Variants in SNAPC1 observed in about 807,000 individuals in gnomAD.
SNAPC1 encodes the protein small nuclear RNA activating complex polypeptide 1, also known as snRNA-activating protein complex subunit 1.
SNAPC1 carries 42 observed loss-of-function variants against 50.1 expected under a neutral mutation model. The observed-to-expected ratio is 0.84, with a 90% confidence interval of 0.65 to 1.08. The LOEUF is 1.08. SNAPC1 is among the 50% of genes least tolerant of loss of function. The probability of loss-of-function intolerance (pLI) is 0.00; values close to 1 mark genes in which losing one functional copy is unlikely to be tolerated. For synonymous variants in SNAPC1, 164 were observed against 144.2 expected, an observed-to-expected ratio of 1.14 and a Z score of -0.98; for missense variants, 477 against 427.3, an observed-to-expected ratio of 1.12 and a Z score of -1.02.
intron 8 of SNAPC1, among the ~76,000 whole-genome samples, chr14:61,786,348 G>A (rs2045115846): frequency 6.6e-6 from 1 of 152,106 alleles, no homozygotes; most frequent in African/African-American, 2.4e-5. Context: ...ACACTGTTAA[G>A]AAGATGAGAA....
intron 4 of SNAPC1, among the ~76,000 whole-genome samples, chr14:61,773,723 G>C (rs2045012836): frequency 6.8e-6 from 1 of 146,316 alleles, no homozygotes; most frequent in Admixed American, 7.0e-5. Flanking sequence ...TTTTAAGGCA[G>C]AGTTTCCCTT....
intron 8 of SNAPC1, among the ~76,000 whole-genome samples, chr14:61,789,261 C>T (rs1410801554): frequency 1.3e-5 from 2 of 150,090 alleles, no homozygotes; most frequent in Non-Finnish European, 3.0e-5. Flanking sequence ...AGGGAAAGCT[C>T]TGTATTATGA....
At chr14:61,781,245 C>G (rs185104849) in intron 7 of SNAPC1, among the ~76,000 whole-genome samples, 1 of 151,892 alleles carries the variant, frequency 6.6e-6, no homozygotes, top group South Asian at 2.1e-4. Context: ...GTCAGGAGAT[C>G]GAAACCATCC....
chr14:61,770,699 C>T (rs947662103), intron 4 of SNAPC1, among the ~76,000 whole-genome samples: 13 of 152,172 alleles, frequency 8.5e-5, no homozygotes, highest in African/African-American at 3.1e-4. Context: ...GTCCCTCTCC[C>T]CCACCACATT....
chr14:61,768,406 GTA>G (rs1337316324), intron 3 of SNAPC1, among the ~76,000 whole-genome samples: 1 of 152,136 alleles, frequency 6.6e-6, no homozygotes, highest in African/African-American at 2.4e-5. Context: ...GGCAAATTAT[GTA>G]ATTTCTGTCT....
chr14:61,770,416 C>G (rs189025607), intron 4 of SNAPC1, among the ~76,000 whole-genome samples: 41 of 151,878 alleles, frequency 2.7e-4, no homozygotes, highest in African/African-American at 9.2e-4. Flanking sequence ...CTAATTTTTT[C>G]TATTTTTAAT....
At chr14:61,793,304 A>T (rs1304175372) in intron 9 of SNAPC1, among the ~76,000 whole-genome samples, 1 of 151,912 alleles carries the variant, frequency 6.6e-6, no homozygotes, top group Non-Finnish European at 1.5e-5. Context: ...ACTTGATCAC[A>T]GTGACTTACT....
intron 8 of SNAPC1, among the ~76,000 whole-genome samples, chr14:61,790,152 A>G (rs1336447038): frequency 1.3e-5 from 2 of 152,214 alleles, no homozygotes; most frequent in Non-Finnish European, 2.9e-5. Context: ...CCGCCTTGCC[A>G]GACTGATTTC....
rs758881012 is a variant in SNAPC1 at position 61,766,862 on chromosome 14, T to C, written c.129-14T>C. 1.0e-5 allele frequency: 16 copies of C among 1,549,924 alleles called. No homozygotes were observed. The highest frequency in any genetic ancestry group is 2.3e-5 in the East Asian group (1 of 44,426). On this transcript the variant is annotated splice_polypyrimidine_tract_variant and intron_variant, in intron 1 of 9. Transcript: ENST00000216294. ...ACTTAATGAGTCGTAATATATTTTC[T>C]CTCTGTTTATTAGTGGCAGAATGAG... is the stretch of plus-strand genomic sequence containing the variant.
intron 1 of SNAPC1, among the ~76,000 whole-genome samples, chr14:61,763,459 G>GCAC (rs2044923374): frequency 6.9e-6 from 1 of 145,466 alleles, no homozygotes; most frequent in Non-Finnish European, 1.5e-5. Context: ...TCCCCTCCAT[G>GCAC]CACTCACTTT....
intron 9 of SNAPC1, among the ~76,000 whole-genome samples, chr14:61,794,585 A>AT (rs2045175226): frequency 6.6e-6 from 1 of 151,700 alleles, no homozygotes; most frequent in Non-Finnish European, 1.5e-5. Context: ...TTTTGTATTT[A>AT]TTTTAGTAGA....
At chr14:61,770,163 T>G (rs1018824313) in intron 4 of SNAPC1, among the ~76,000 whole-genome samples, 1 of 152,180 alleles carries the variant, frequency 6.6e-6, no homozygotes, top group African/African-American at 2.4e-5. Context: ...CAGTCTTTTC[T>G]TGTATTACAA....
rs141143370 is a variant in SNAPC1, at chr14:61,780,746, G to A, written c.826-1501G>A. Among the ~76,000 whole-genome samples, 548 of 152,212 alleles carry A rather than the reference G, an allele frequency of 3.6e-3. 8 individuals are homozygous for A. Among genetic ancestry groups the A allele is most frequent in the African/African-American group, 0.013 (525 of 41,510 alleles). On this transcript the variant is annotated intron_variant, in intron 7 of 9. Transcript: ENST00000216294. ...TCAACCATCAGGTGGTCGTAGGTGT[G>A]TGGCTTTATTTCTGAGTTCTCTGTC...
intron 9 of SNAPC1, among the ~76,000 whole-genome samples, chr14:61,793,771 C>T (rs1291767754): frequency 1.3e-5 from 2 of 151,874 alleles, no homozygotes; most frequent in Middle Eastern, 6.8e-3. Context: ...ATTCTCCTGC[C>T]TCAGCCTCCC....
At chr14:61,788,047 A>G (rs755837575) in intron 8 of SNAPC1, among the ~76,000 whole-genome samples, 7 of 140,342 alleles carry the variant, frequency 5.0e-5, no homozygotes, top group Middle Eastern at 7.5e-3. Context: ...TGTGACAGTT[A>G]TAATTTATGA....
At chr14:61,785,335 G>T (rs898672151) in intron 8 of SNAPC1, among the ~76,000 whole-genome samples, 12 of 152,144 alleles carry the variant, frequency 7.9e-5, no homozygotes, top group Admixed American at 1.3e-4. Context: ...GGAGGCGGAG[G>T]TTGCGGTGAG....
chr14:61,781,322 G>A (rs982899079), intron 7 of SNAPC1, among the ~76,000 whole-genome samples: 2 of 151,718 alleles, frequency 1.3e-5, no homozygotes, highest in Non-Finnish European at 2.9e-5. Context: ...GGTGGTGGGC[G>A]CCAGTAGTCC....
Position 61,767,242 on chromosome 14 carries a change from G to A in SNAPC1, c.319G>A (p.Val107Ile). ...AGTTGCCCTGAAGGATTGGGATGAA[G>A]TTTTAAAATTTCAGCAAGATTTAGT... ...IRVALKDWDE[V>I]LKFQQDLVNA... Residue 107 changes from valine to isoleucine, a missense_variant, in exon 3 of 10, where the codon GTT (valine) becomes ATT (isoleucine). By Grantham distance (29) the Val-to-Ile change is conservative. Transcript: ENST00000216294. 6.6e-7 allele frequency: 1 copy of A among 1,512,746 alleles called. No homozygotes were observed. The highest frequency in any genetic ancestry group is 1.4e-5 in the African/African-American group (1 of 70,512). 93.7% of individuals were successfully genotyped at this position (1,512,746 alleles called of 1,614,324 possible).
intron 4 of SNAPC1, among the ~76,000 whole-genome samples, chr14:61,775,022 G>A (rs1480631526): frequency 6.6e-6 from 1 of 152,046 alleles, no homozygotes; most frequent in African/African-American, 2.4e-5. Context: ...GAATTGAGTG[G>A]TCTGAGTTAG....
Sources: gnomAD v4.1 joint callset for allele counts (sites outside exome capture counted in the v4.1 genomes callset) on GRCh38, gnomAD v4.1.1 for gene constraint, MANE v1.5 for transcripts, NCBI Gene and HGNC (gene_info 2026-07-23, HGNC 2026-07-21) for gene names.